TEPSIN: variants seen among roughly 807,000 people sequenced by gnomAD.
TEPSIN encodes the protein AP-4 complex accessory subunit tepsin.
In TEPSIN, 50 loss-of-function variants were observed where a neutral mutation model predicts 48.5. The ratio of observed to expected loss-of-function variants is 1.03; its 90% CI spans 0.82 to 1.31. The LOEUF is 1.31. TEPSIN is among the 50% of genes most tolerant of loss of function. The probability of loss-of-function intolerance (pLI) is 0.00; values close to 1 mark genes in which losing one functional copy is unlikely to be tolerated. For missense variants in TEPSIN, 838 were observed against 815.9 expected, an observed-to-expected ratio of 1.03 and a Z score of -0.33; for synonymous variants, 392 against 358.8, an observed-to-expected ratio of 1.09 and a Z score of -1.05.
rs748512031 is a variant in TEPSIN at position 81,229,226 on chromosome 17, G to C, written c.1484C>G (p.Ala495Gly). The C allele has an allele frequency of 3.8e-6, 6 of 1,598,284 alleles. No homozygotes were observed. In the East Asian group the frequency reaches 1.4e-4, roughly 36 times the overall value. The change falls in exon 13 of 13, where the codon GCC (alanine) becomes GGC (glycine). Residue 495 changes from alanine (A) to glycine (G), a missense_variant. Physicochemically the swap from Ala to Gly is moderately conservative, Grantham distance 60. Transcript: ENST00000637944. ...CTCGGCCTCGCTGGGGTCTCCGGGG[G>C]CTGGAATGGGGGAGGCATCTGGGGG... The part of the protein sequence containing the change: ...TPPPDASPIP[A>G]PGDPSEAEAR...
chr17:81,237,946 C>T, intron 1 of TEPSIN: 1 of 1,000,100 alleles, frequency 1.0e-6, no homozygotes, highest in Non-Finnish European at 1.2e-6. Flanking sequence ...CGACTGATGT[C>T]GTGTGTTTTA....
rs552267671 is a variant in TEPSIN at position 81,232,638 on chromosome 17, G to A, written c.527-120C>T. On this transcript the variant is annotated intron_variant, in intron 7 of 12. Coordinates refer to ENST00000637944, the MANE Select transcript of TEPSIN (RefSeq NM_001363764.2). Reference sequence around the variant, plus strand: ...GCTTGGAGAGGTCGGGGTACATGCTGCAGGTAGGGAGGCCTCCTGGTGGGC... The same window carrying A: ...GCTTGGAGAGGTCGGGGTACATGCTACAGGTAGGGAGGCCTCCTGGTGGGC... 73 of 956,860 alleles carry A rather than the reference G, an allele frequency of 7.6e-5. 1 individual carries two copies. The East Asian group carries it at 1.9e-3, about 25-fold the overall frequency. The allele number at this position is 956,860 out of a possible 1,614,324, so 59.3% of individuals were successfully genotyped here.
At chr17:81,231,801 T>C in intron 9 of TEPSIN, 46 bp downstream of exon 9, 1 of 1,608,292 alleles carries the variant, frequency 6.2e-7, no homozygotes, top group East Asian at 2.2e-5. Flanking sequence ...GGGGACAGTG[T>C]GGTGCCTCCG....
Position 81,228,638 on chromosome 17 carries a change from A to G in TEPSIN, c.*290T>C, listed in dbSNP as rs538828943. ...TAAGGAACCTGGTAGTCGCTTCCGC[A>G]TTCATACAAGAAACCTCATGTCTGA... On this transcript the variant is annotated 3_prime_UTR_variant, in exon 13 of 13. Coordinates refer to ENST00000637944, the MANE Select transcript of TEPSIN (RefSeq NM_001363764.2). 19 of 495,824 alleles carry G rather than the reference A, an allele frequency of 3.8e-5. No individual in the cohort carries two copies. Among genetic ancestry groups the G allele is most frequent in the Non-Finnish European group, 6.4e-5 (18 of 283,276 alleles). 30.7% of individuals were successfully genotyped at this position (495,824 alleles called of 1,614,324 possible). A position where few individuals can be genotyped will look rare whatever the true frequency, so the allele number is the denominator to read the frequency against.
chr17:81,237,168 G>GAGCCTCCAGT, intron 2 of TEPSIN, 97 bp from the exon 3 acceptor site: 1 of 1,346,690 alleles, frequency 7.4e-7, no homozygotes, highest in Non-Finnish European at 1.0e-6. Context: ...ACGCTCCCTG[G>GAGCCTCCAGT]AGGCGCCTAC....
Position 81,228,406 on chromosome 17 carries a change from G to A in TEPSIN, c.*522C>T, listed in dbSNP as rs989295213. ...AAGCAATTACAGCCTAAAGGAGCAG[G>A]TGAGAGCCAGGGAAGGATCACGTAG... On this transcript the variant is annotated 3_prime_UTR_variant, in exon 13 of 13. Coordinates refer to ENST00000637944, the MANE Select transcript of TEPSIN (RefSeq NM_001363764.2). 5.6e-6 allele frequency: 1 copy of A among 179,538 alleles called. No homozygotes were observed. Among genetic ancestry groups the A allele is most frequent in the Non-Finnish European group, 1.2e-5 (1 of 86,654 alleles). 11.1% of individuals were successfully genotyped at this position (179,538 alleles called of 1,614,324 possible). A position where few individuals can be genotyped will look rare whatever the true frequency, so the allele number is the denominator to read the frequency against.
At chr17:81,236,935 G>A (rs774483736) in intron 3 of TEPSIN, 45 bp downstream of exon 3, 25 of 1,539,506 alleles carry the variant, frequency 1.6e-5, no homozygotes, top group East Asian at 2.4e-5. Flanking sequence ...CCTCACCACC[G>A]TGGGCCGGGC....
chr17:81,229,879 C>A (rs755245104), intron 12 of TEPSIN: 6 of 238,164 alleles, frequency 2.5e-5, no homozygotes, highest in Non-Finnish European at 4.9e-5. Flanking sequence ...CTATGAGGTT[C>A]GCCTGCGGTG....
Position 81,237,224 on chromosome 17 carries a change from T to G in TEPSIN, c.122-153A>C. 2.6e-6 allele frequency: 3 copies of G among 1,166,826 alleles called. No homozygotes were observed. The South Asian group carries it at 4.1e-5, about 16-fold the overall frequency. The allele number at this position is 1,166,826 out of a possible 1,614,324, so 72.3% of individuals were successfully genotyped here. ...GCACCTGGGCTTCTAGGGTCCCCTG[T>G]GTCATCAGTATTGCAGCCTTCAGAC... On this transcript the variant is annotated intron_variant, in intron 2 of 12. Coordinates refer to ENST00000637944, the MANE Select transcript of TEPSIN (RefSeq NM_001363764.2).
intron 8 of TEPSIN, 53 bp from the exon 9 acceptor site, chr17:81,232,074 T>A: frequency 6.4e-7 from 1 of 1,573,472 alleles, no homozygotes; most frequent in South Asian, 1.1e-5. Flanking sequence ...GCCAGCCCCA[T>A]GCCCACCTCC....
intron 1 of TEPSIN, chr17:81,238,229 G>A: frequency 1.0e-6 from 1 of 959,934 alleles, no homozygotes; most frequent in Non-Finnish European, 1.2e-6. Context: ...CACTGACACT[G>A]TTTGCCCACC....
In TEPSIN at chr17:81,229,456, G is replaced by C. The variant is rs1019124065; in HGVS notation, c.1254C>G (p.Ala418=). The C allele has an allele frequency of 6.5e-7, 1 of 1,549,414 alleles. No individual in the cohort carries two copies. The highest frequency in any genetic ancestry group is 8.7e-7 in the Non-Finnish European group (1 of 1,146,664). The change falls in exon 13 of 13, where the codon GCC becomes GCG. Residue 418 remains alanine (A), a synonymous_variant. Transcript: ENST00000637944. ...KATKILRHFE[A]SCGQLSPARG... ...GGGCAGGGGACAGCTGCCCACAGGA[G>C]GCCTCAAAGTGCCTCAGGATCTGAA...
In TEPSIN at chr17:81,232,491, G is replaced by A. The variant is rs746458163; in HGVS notation, c.554C>T (p.Thr185Ile). 5.9e-6 allele frequency: 9 copies of A among 1,533,772 alleles called. No homozygotes were observed. In the South Asian group the frequency reaches 7.1e-5, roughly 12 times the overall value. ...CACCACCTCTGCGGCCTTCTGGATG[G>A]TGGAGAGGAAGGCTTCGCCTGCCGA... The part of the protein sequence containing the change: ...TGSAGEAFLS[T>I]IQKAAEVVAS... The change falls in exon 8 of 13, where the codon ACC (threonine) becomes ATC (isoleucine). Residue 185 changes from threonine (T) to isoleucine (I), a missense_variant. Transcript: ENST00000637944.
At position 81,230,451 on chromosome 17, in the gene TEPSIN, G is replaced by A. The variant is rs905438624; in HGVS notation, c.1233+93C>T. 4.6e-6 allele frequency: 7 copies of A among 1,531,622 alleles called. No individual in the cohort carries two copies. The African/African-American group carries it at 5.5e-5, about 12-fold the overall frequency. 94.9% of individuals were successfully genotyped at this position (1,531,622 alleles called of 1,614,324 possible). On this transcript the variant is annotated intron_variant, in intron 12 of 12. Transcript: ENST00000637944. This position sits in a 1 kb window ranked among gnomAD's most constrained non-coding sequence, Gnocchi z 4.2. Reference sequence around the variant, plus strand: ...AGGGGGTCCGGGAAGGGCTGACCAGGCGCCGGGCAGGGACGGGGTGGCCGT... The same window carrying A: ...AGGGGGTCCGGGAAGGGCTGACCAGACGCCGGGCAGGGACGGGGTGGCCGT...
chr17:81,232,698 T>A, intron 7 of TEPSIN, 180 bp from the exon 8 acceptor site: 1 of 586,500 alleles, frequency 1.7e-6, no homozygotes, highest in Non-Finnish European at 3.0e-6. Flanking sequence ...TGGACTCCGC[T>A]TTGGCATTCC....
In TEPSIN at chr17:81,237,014, C is replaced by A; in HGVS notation, c.179G>T (p.Arg60Leu). 1 of 1,595,910 alleles carries A rather than the reference C, an allele frequency of 6.3e-7. No individual in the cohort carries two copies. Residue 60 changes from arginine to leucine, a missense_variant, in exon 3 of 13, where the codon CGC becomes CTC. By Grantham distance (102) the Arg-to-Leu change is moderately radical (BLOSUM62 -2). Coordinates refer to ENST00000637944, the MANE Select transcript of TEPSIN (RefSeq NM_001363764.2). ...SQCLLEYLLS[R>L]LHSSSGHGKL... ...CCCGTGGCCGGAGCTGCTGTGCAGG[C>A]GGCTCAGGAGGTACTCCAGCAGGCA...
At chr17:81,238,223 G>C in intron 1 of TEPSIN, 1 of 970,508 alleles carries the variant, frequency 1.0e-6, no homozygotes, top group South Asian at 4.8e-5. Flanking sequence ...ACGCATCACT[G>C]ACACTGTTTG....
rs771058343 is a variant in TEPSIN at position 81,233,726 on chromosome 17, G to A, written c.376-10C>T. On this transcript the variant is annotated splice_polypyrimidine_tract_variant and intron_variant, in intron 5 of 12. Transcript: ENST00000637944. This position sits in a 1 kb window ranked among gnomAD's most constrained non-coding sequence, Gnocchi z 5.8. ...GGGTGCTCCCCAAGTCCTACAGGGGGAGGCGAAGGCCCTCAGTGTCCTCAC... is the reference window on the plus strand; with the variant it reads ...GGGTGCTCCCCAAGTCCTACAGGGGAAGGCGAAGGCCCTCAGTGTCCTCAC... 6.3e-7 allele frequency: 1 copy of A among 1,588,632 alleles called. No individual in the cohort carries two copies. The highest frequency in any genetic ancestry group is 8.5e-7 in the Non-Finnish European group (1 of 1,169,794).
rs983679295 is a variant in TEPSIN at position 81,233,227 on chromosome 17, T to C, written c.526+205A>G. 22 of 628,966 alleles carry C rather than the reference T, an allele frequency of 3.5e-5. No homozygotes were observed. Among genetic ancestry groups the C allele is most frequent in the Non-Finnish European group, 5.1e-5 (19 of 369,688 alleles). 39.0% of individuals were successfully genotyped at this position (628,966 alleles called of 1,614,324 possible). A position where few individuals can be genotyped will look rare whatever the true frequency, so the allele number is the denominator to read the frequency against. Reference sequence around the variant, plus strand: ...CGGCCTGGTTTCTCTCATCTGTCCATAAAGCAGCCCTGGCCACACCTGCCC... The same window carrying C: ...CGGCCTGGTTTCTCTCATCTGTCCACAAAGCAGCCCTGGCCACACCTGCCC... On this transcript the variant is annotated intron_variant, in intron 7 of 12. Transcript: ENST00000637944. This position sits in a 1 kb window ranked among gnomAD's most constrained non-coding sequence, Gnocchi z 5.8.
Sources: gnomAD v4.1 joint callset for allele counts on GRCh38, gnomAD v4.1.1 for gene constraint, Gnocchi (gnomAD v3.1) non-coding constraint, MANE v1.5 for transcripts, NCBI Gene and HGNC (gene_info 2026-07-23, HGNC 2026-07-21) for gene names.